DCAF15: variants seen among roughly 807,000 people sequenced by gnomAD.
DCAF15 encodes the protein DDB1- and CUL4-associated factor 15.
A neutral mutation model predicts 68.0 loss-of-function variants in DCAF15; 24 were observed. That is an observed-to-expected ratio of 0.35 (90% confidence interval 0.26 to 0.50). The LOEUF is 0.50. DCAF15 is among the 20% of genes least tolerant of loss of function. DCAF15 has a pLI of 0.98. For synonymous variants in DCAF15, 376 were observed against 341.6 expected (o/e 1.10, Z -1.11); for missense variants, 627 against 830.6 (o/e 0.75, Z 3.01).
In DCAF15 at chr19:13,959,764, C is replaced by T. The variant is rs1285788242; in HGVS notation, c.1312-3C>T. 3.7e-6 allele frequency: 6 copies of T among 1,613,594 alleles called. No individual in the cohort carries two copies. The highest frequency in any genetic ancestry group is 5.1e-6 in the Non-Finnish European group (6 of 1,179,940). On this transcript the variant is annotated splice_region_variant and splice_polypyrimidine_tract_variant and intron_variant, in intron 8 of 12. Coordinates refer to ENST00000254337, the MANE Select transcript of DCAF15 (RefSeq NM_138353.4). ...TCCCCTGCGCCTACCCACTCACCCGCAGGGCCAGTACCTGACAGTGGAGCA... is the reference window on the plus strand; with the variant it reads ...TCCCCTGCGCCTACCCACTCACCCGTAGGGCCAGTACCTGACAGTGGAGCA...
In DCAF15 at chr19:13,959,272, G is replaced by T; in HGVS notation, c.1012G>T (p.Val338Phe). The T allele has an allele frequency of 6.2e-7, 1 of 1,611,490 alleles. No homozygotes were observed. Among genetic ancestry groups the T allele is most frequent in the South Asian group, 1.1e-5 (1 of 91,082 alleles). The change falls in exon 7 of 13, where the codon GTC becomes TTC. Residue 338 changes from valine to phenylalanine, a missense_variant. Coordinates refer to ENST00000254337, the MANE Select transcript of DCAF15 (RefSeq NM_138353.4). Reference sequence around the variant, plus strand: ...CCGGGCCAAAGAGGCCAAGGGCGGGGTCCCTGAGGAAGCCCGGCCTGCCCT... The same window carrying T: ...CCGGGCCAAAGAGGCCAAGGGCGGGTTCCCTGAGGAAGCCCGGCCTGCCCT... ...FRRAKEAKGGVPEEARPALCP... is the reference protein window; with the variant it reads ...FRRAKEAKGGFPEEARPALCP...
chr19:13,956,663 C>T (rs545220403), intron 6 of DCAF15, 141 bp downstream of exon 6: 68 of 1,026,448 alleles, frequency 6.6e-5, no homozygotes, highest in East Asian at 3.7e-4. Flanking sequence ...GGGAATGCTG[C>T]GGTCCAAATG....
At chr19:13,952,866 G>A (rs1486065360) in intron 1 of DCAF15, among the ~76,000 whole-genome samples, 1 of 146,452 alleles carries the variant, frequency 6.8e-6, no homozygotes, top group African/African-American at 2.5e-5. Context: ...ACCGGCAAAG[G>A]GGCTGGGATG....
intron 1 of DCAF15, among the ~76,000 whole-genome samples, chr19:13,953,818 T>C (rs770757155): frequency 1.3e-5 from 2 of 152,140 alleles, no homozygotes; most frequent in Admixed American, 6.6e-5. Flanking sequence ...CGTTGGGTCA[T>C]TGGTTAGGCT....
In DCAF15 at chr19:13,952,926, C is replaced by T. The variant is rs2145480617; in HGVS notation, c.132+282C>T. 3.5e-6 allele frequency: 3 copies of T among 859,042 alleles called. No homozygotes were observed. The East Asian group carries it at 9.3e-5, about 27-fold the overall frequency. 53.2% of individuals were successfully genotyped at this position (859,042 alleles called of 1,614,324 possible). Reference sequence around the variant, plus strand: ...GGGAGGGGGCTCGGAGGGAGGCGACCCCAGAGGCCGCAGGGAGAATCAGGA... The same window carrying T: ...GGGAGGGGGCTCGGAGGGAGGCGACTCCAGAGGCCGCAGGGAGAATCAGGA... On this transcript the variant is annotated intron_variant, in intron 1 of 12. Coordinates refer to ENST00000254337, the MANE Select transcript of DCAF15 (RefSeq NM_138353.4).
At position 13,956,250 on chromosome 19, in the gene DCAF15, C is replaced by T. The variant is rs1295625640; in HGVS notation, c.601C>T (p.Arg201Ter). 4.3e-6 allele frequency: 7 copies of T among 1,612,336 alleles called. No homozygotes were observed. Among genetic ancestry groups the T allele is most frequent in the Non-Finnish European group, 5.9e-6 (7 of 1,179,738 alleles). ...GRCAACQDAS[R>*]AHPGDPNAQC... ...CTGTGCTGCTTGCCAGGATGCCAGC[C>T]GAGCCCACCCAGGTGAGGGGGCCGA... The change falls in exon 5 of 13, where the codon CGA becomes TGA. Residue 201 changes from arginine to a stop codon, truncating the protein, a stop_gained. Transcript: ENST00000254337. LOFTEE classifies it high-confidence loss of function.
intron 9 of DCAF15, 40 bp from the exon 10 acceptor site, chr19:13,959,944 G>C (rs781592433): frequency 7.4e-7 from 1 of 1,356,030 alleles, no homozygotes; most frequent in South Asian, 1.4e-5. Context: ...GTACTCTGGG[G>C]TCGCCCTCAA....
At chr19:13,960,720 C>A in intron 12 of DCAF15, 140 bp downstream of exon 12, 1 of 1,029,120 alleles carries the variant, frequency 9.7e-7, no homozygotes, top group Non-Finnish European at 1.4e-6. Flanking sequence ...GCTCAGCAGC[C>A]CTGAAAGTGT....
At chr19:13,958,871 G>A (rs917248873) in intron 6 of DCAF15, among the ~76,000 whole-genome samples, 174 bp from the exon 7 acceptor site, 3 of 152,162 alleles carry the variant, frequency 2.0e-5, no homozygotes, top group African/African-American at 7.2e-5. Context: ...GCATGAATGC[G>A]TGGTGTGCAT....
In DCAF15 at chr19:13,960,005, G is replaced by C; in HGVS notation, c.1462G>C (p.Val488Leu). ...ILEVCPETNQ[V>L]LINIGLLLLA... The stretch of plus-strand genomic sequence containing the variant: ...CCAGGTCTGCCCAGAAACCAACCAG[G>C]TCCTCATCAACATTGGCCTGCTGCT... Residue 488 changes from valine to leucine, a missense_variant, in exon 10 of 13, where the codon GTC becomes CTC. Around this residue, in one of 3 missense-constraint regions of DCAF15, gnomAD observed 118 missense variants for 211.8 expected, o/e 0.56. Transcript: ENST00000254337. 1 of 1,612,494 alleles carries C rather than the reference G, an allele frequency of 6.2e-7. No individual in the cohort carries two copies. Among genetic ancestry groups the C allele is most frequent in the African/African-American group, 1.4e-5 (1 of 73,864 alleles).
Position 13,953,277 on chromosome 19 carries a change from C to T in DCAF15, c.132+633C>T, listed in dbSNP as rs960285145. 6.5e-6 allele frequency: 5 copies of T among 767,852 alleles called. No individual in the cohort carries two copies. The East Asian group carries it at 1.3e-4, about 20-fold the overall frequency. 47.6% of individuals were successfully genotyped at this position (767,852 alleles called of 1,614,324 possible). On this transcript the variant is annotated intron_variant, in intron 1 of 12. Transcript: ENST00000254337. Reference sequence around the variant, plus strand: ...TCTCTCTCCCCCATCAGTTTGGGAGCTCTGGAGGGCAGAAATGTGGATCTC... The same window carrying T: ...TCTCTCTCCCCCATCAGTTTGGGAGTTCTGGAGGGCAGAAATGTGGATCTC...
At position 13,956,078 on chromosome 19, in the gene DCAF15, C is replaced by A. The variant is rs1219242708; in HGVS notation, c.474-45C>A. ...TGGGGCAGGGGGTGTGCAGTGGGGG[C>A]CCCCCAGGCGCCGACCAGGCAGCTG... is the stretch of plus-strand genomic sequence containing the variant. On this transcript the variant is annotated intron_variant, in intron 4 of 12. Coordinates refer to ENST00000254337, the MANE Select transcript of DCAF15 (RefSeq NM_138353.4). The A allele has an allele frequency of 3.1e-6, 5 of 1,609,366 alleles. No individual in the cohort carries two copies. The African/African-American group carries it at 4.0e-5, about 13-fold the overall frequency.
intron 6 of DCAF15, among the ~76,000 whole-genome samples, chr19:13,957,407 C>G (rs1468178311): frequency 6.6e-6 from 1 of 152,156 alleles, no homozygotes; most frequent in Non-Finnish European, 1.5e-5. Context: ...GTCCGTATGT[C>G]CAAGACTGCT....
At position 13,956,274 on chromosome 19, in the gene DCAF15, G is replaced by A. The variant is rs368117751; in HGVS notation, c.613+12G>A. The A allele has an allele frequency of 7.4e-6, 12 of 1,611,868 alleles. No homozygotes were observed. In the African/African-American group the frequency reaches 8.0e-5, roughly 11 times the overall value. ...CCGAGCCCACCCAGGTGAGGGGGCCGAGGGGGCGAGGGCCTCTTCCCCCCT... is the reference window on the plus strand; with the variant it reads ...CCGAGCCCACCCAGGTGAGGGGGCCAAGGGGGCGAGGGCCTCTTCCCCCCT... On this transcript the variant is annotated intron_variant, in intron 5 of 12. Transcript: ENST00000254337.
rs202019138 is a variant in DCAF15, at chr19:13,960,103, AG to A, written c.1526+40del. 2,108 of 1,610,050 alleles carry A rather than the reference AG, an allele frequency of 1.3e-3. 27 individuals are homozygous for A. In the African/African-American group the frequency reaches 0.025, roughly 19 times the overall value. ...GGGGATCCTGCCCTCTCTGTCCACT[AG>A]GGGGGCCACTGGCAGACACTTCACG... On this transcript the variant is annotated intron_variant, in intron 10 of 12. Coordinates refer to ENST00000254337, the MANE Select transcript of DCAF15 (RefSeq NM_138353.4).
chr19:13,958,881 T>C (rs1227393090), intron 6 of DCAF15, among the ~76,000 whole-genome samples, 164 bp from the exon 7 acceptor site: 1 of 152,086 alleles, frequency 6.6e-6, no homozygotes, highest in Non-Finnish European at 1.5e-5. Flanking sequence ...GTGGTGTGCA[T>C]GCGCAGAAAG....
chr19:13,959,587 G>C lies in DCAF15; in HGVS notation c.1225G>C (p.Glu409Gln), dbSNP rs1473363316. The C allele has an allele frequency of 1.9e-6, 3 of 1,613,206 alleles. No homozygotes were observed. The African/African-American group carries it at 4.0e-5, about 22-fold the overall frequency. Residue 409 changes from glutamate to glutamine, a missense_variant, in exon 8 of 13, where the codon GAG becomes CAG. Coordinates refer to ENST00000254337, the MANE Select transcript of DCAF15 (RefSeq NM_138353.4). ...CCCACTTCCTGCCTCCCCAGAGTTG[G>C]AGGACGACAAGATCTCCCTGCCCTT... is the stretch of plus-strand genomic sequence containing the variant. The part of the protein sequence containing the change: ...GEGTEPEDEL[E>Q]DDKISLPFVV...
chr19:13,955,233 C>T (rs1220593889), intron 3 of DCAF15, among the ~76,000 whole-genome samples: 1 of 152,082 alleles, frequency 6.6e-6, no homozygotes, highest in Non-Finnish European at 1.5e-5. Flanking sequence ...CCAGCCTGGC[C>T]AACATGGTGA....
intron 6 of DCAF15, 62 bp downstream of exon 6, chr19:13,956,584 C>A: frequency 6.4e-7 from 1 of 1,574,270 alleles, no homozygotes; most frequent in Non-Finnish European, 8.6e-7. Context: ...CCCTACCCCA[C>A]CACACAGACA....
Sources: gnomAD v4.1 joint callset for allele counts (sites outside exome capture counted in the v4.1 genomes callset) on GRCh38, gnomAD v4.1.1 for gene constraint, gnomAD v4.1.1 regional missense constraint, MANE v1.5 for transcripts, NCBI Gene and HGNC (gene_info 2026-07-23, HGNC 2026-07-21) for gene names.